The following NBAS variants were observed in gnomAD, a reference collection of about 807,000 sequenced individuals.
NBAS encodes the protein NAG/BC035112 fusion.
A neutral mutation model predicts 302.5 loss-of-function variants in NBAS; 219 were observed. That is an observed-to-expected ratio of 0.72 (90% CI 0.65 to 0.81). The LOEUF is 0.81. NBAS is among the 30% of genes least tolerant of loss of function. The pLI is 0.00. For synonymous variants in NBAS, 1,118 were observed against 1,021.6 expected, an observed-to-expected ratio of 1.09 and a Z score of -1.80; for missense variants, 2,932 against 2,841.6, an observed-to-expected ratio of 1.03 and a Z score of -0.72.
intron 12 of NBAS, 75 bp downstream of exon 12, chr2:15,488,819 A>G: frequency 6.4e-7 from 1 of 1,573,504 alleles, no homozygotes; most frequent in Non-Finnish European, 8.7e-7. Context: ...CTATAGTAAA[A>G]TATCAATAAA....
the NBAS span, among the ~76,000 whole-genome samples, chr2:14,831,923 T>A: frequency 5.5e-4 from 84 of 152,328 alleles, 1 homozygote; most frequent in African/African-American, 1.9e-3. Flanking sequence ...GGGACAGACC[T>A]GGAATCAAAA....
At chr2:15,301,950 T>C (rs1007763495) in intron 40 of NBAS, among the ~76,000 whole-genome samples, 2 of 152,148 alleles carry the variant, frequency 1.3e-5, no homozygotes, top group African/African-American at 2.4e-5. Context: ...CTGAAGGATT[T>C]TGGGTGGAGA....
intron 51 of NBAS, among the ~76,000 whole-genome samples, chr2:15,169,855 G>A (rs1267859078): frequency 6.6e-6 from 1 of 152,192 alleles, no homozygotes; most frequent in Non-Finnish European, 1.5e-5. Flanking sequence ...CCACGTGCAT[G>A]CACATGCTAA....
intron 44 of NBAS, among the ~76,000 whole-genome samples, chr2:15,255,603 T>C (rs933968380): frequency 3.9e-5 from 6 of 152,222 alleles, no homozygotes; most frequent in Non-Finnish European, 8.8e-5. Flanking sequence ...TTCATTTGCT[T>C]TGGGTTCTTG....
At position 15,359,757 on chromosome 2, in the gene NBAS, G is replaced by A. The variant is rs151041262; in HGVS notation, c.3818-3341C>T. Among the ~76,000 whole-genome samples, 31 of 152,044 alleles carry A rather than the reference G, an allele frequency of 2.0e-4. No homozygotes were observed. The East Asian group carries it at 3.5e-3, about 17-fold the overall frequency. On this transcript the variant is annotated intron_variant, in intron 32 of 51. Transcript: ENST00000281513. The stretch of plus-strand genomic sequence containing the variant: ...ATCTATTAAAATGTAAGCTTTTGAC[G>A]GACAGGGGTTGGTTCATAGTTGGAT...
chr2:14,877,946 G>A, the NBAS span, among the ~76,000 whole-genome samples: 1 of 152,122 alleles, frequency 6.6e-6, no homozygotes, highest in Non-Finnish European at 1.5e-5. Context: ...ACAGCCATCA[G>A]ATTCCATTAT....
the NBAS span, among the ~76,000 whole-genome samples, chr2:15,033,760 A>G: frequency 6.6e-6 from 1 of 152,102 alleles, no homozygotes; most frequent in Non-Finnish European, 1.5e-5. Flanking sequence ...CAGCCTGGGC[A>G]ACATGGCAAA....
chr2:15,178,898 C>A (rs3731995), intron 51 of NBAS, 90 bp downstream of exon 51: 3 of 1,561,172 alleles, frequency 1.9e-6, no homozygotes, highest in East Asian at 4.6e-5. Flanking sequence ...CAATTAACCA[C>A]GGTGTTATTT....
At chr2:15,030,779 T>G in the NBAS span, among the ~76,000 whole-genome samples, 1 of 152,184 alleles carries the variant, frequency 6.6e-6, no homozygotes, top group Non-Finnish European at 1.5e-5. Context: ...GACTATCTTG[T>G]GCATGGTAGG....
At chr2:15,452,982 A>G (rs535467504) in intron 21 of NBAS, among the ~76,000 whole-genome samples, 81 of 152,240 alleles carry the variant, frequency 5.3e-4, no homozygotes, top group Non-Finnish European at 1.1e-3. Context: ...AAATTGTCAC[A>G]GGATACTATG....
At chr2:14,812,357 A>G in the NBAS span, among the ~76,000 whole-genome samples, 1 of 152,222 alleles carries the variant, frequency 6.6e-6, no homozygotes. Context: ...AAAGGGAATT[A>G]TATAAGGAGT....
At chr2:15,075,054 T>C in the NBAS span, among the ~76,000 whole-genome samples, 1 of 152,222 alleles carries the variant, frequency 6.6e-6, no homozygotes, top group Non-Finnish European at 1.5e-5. Context: ...AATTCTACTT[T>C]AAGCAATTTA....
the NBAS span, among the ~76,000 whole-genome samples, chr2:14,854,602 T>A: frequency 6.6e-6 from 1 of 151,446 alleles, no homozygotes; most frequent in Non-Finnish European, 1.5e-5. Context: ...AGCAACAGCA[T>A]GGTTCAGAGA....
At chr2:15,404,602 T>A (rs1676318824) in intron 25 of NBAS, among the ~76,000 whole-genome samples, 1 of 151,544 alleles carries the variant, frequency 6.6e-6, no homozygotes, top group African/African-American at 2.4e-5. Flanking sequence ...AACCTCCACC[T>A]CCCAGGTCCA....
chr2:15,364,782 G>A (rs929326478), intron 32 of NBAS, among the ~76,000 whole-genome samples: 7 of 151,966 alleles, frequency 4.6e-5, no homozygotes, highest in South Asian at 4.2e-4. Flanking sequence ...CCCTAGCCAC[G>A]ATCTGATGAA....
chr2:15,356,298 C>T lies in NBAS; in HGVS notation c.3931+5G>A, dbSNP rs773713164. 187 of 1,609,334 alleles carry T rather than the reference C, an allele frequency of 1.2e-4. No homozygotes were observed. The highest frequency in any genetic ancestry group is 1.6e-4 in the Non-Finnish European group (185 of 1,175,874). On this transcript the variant is annotated splice_donor_5th_base_variant and intron_variant, in intron 33 of 51. Transcript: ENST00000281513. ...AGCAAAGTGTTAAATAAGCTGTCTA[C>T]TCACCTGTGGCCATCAGCTCCTGAC...
intron 35 of NBAS, among the ~76,000 whole-genome samples, chr2:15,342,715 A>T (rs971991227): frequency 5.3e-5 from 8 of 152,092 alleles, no homozygotes; most frequent in Non-Finnish European, 8.8e-5. Context: ...TTTATATTTT[A>T]AAAAAGCAGA....
chr2:15,071,662 A>G, the NBAS span, among the ~76,000 whole-genome samples: 3 of 151,236 alleles, frequency 2.0e-5, no homozygotes, highest in Non-Finnish European at 2.9e-5. Context: ...CAGCTCCAGT[A>G]TTAATCGTGC....
chr2:14,835,757 G>A, the NBAS span, among the ~76,000 whole-genome samples: 1 of 151,690 alleles, frequency 6.6e-6, no homozygotes, highest in Non-Finnish European at 1.5e-5. Flanking sequence ...TCAAGTTTGG[G>A]GCCATTATGA....
Sources: allele counts gnomAD v4.1 joint callset (sites outside exome capture counted in the v4.1 genomes callset), GRCh38; gene constraint gnomAD v4.1.1; transcripts MANE v1.5; gene names NCBI Gene and HGNC (gene_info 2026-07-23, HGNC 2026-07-21).